Variants in ANKRD26 observed in about 807,000 individuals in gnomAD.
The protein encoded by ANKRD26 is ankyrin repeat domain-containing protein 26.
In ANKRD26, 141 loss-of-function variants were observed where a neutral mutation model predicts 208.7. The ratio of observed to expected loss-of-function variants is 0.68; its 90% CI spans 0.59 to 0.78. The LOEUF (loss-of-function observed/expected upper bound fraction) is 0.78, where lower values mean the gene tolerates loss of function less well. ANKRD26 is among the 30% of genes least tolerant of loss of function. The probability of loss-of-function intolerance (pLI) is 0.00; values close to 1 mark genes in which losing one functional copy is unlikely to be tolerated. For missense variants in ANKRD26, 1,889 were observed against 1,938.7 expected (o/e 0.97, Z 0.48); for synonymous variants, 636 against 660.4 (o/e 0.96, Z 0.57).
chr10:27,034,027 CAA>C (rs1475913293), intron 24 of ANKRD26, among the ~76,000 whole-genome samples: 1 of 152,114 alleles, frequency 6.6e-6, no homozygotes, highest in Non-Finnish European at 1.5e-5. Context: ...TTATACTGAA[CAA>C]AGTTATACCC....
chr10:27,049,066 A>G (rs2054559197), intron 16 of ANKRD26, 87 bp from the exon 17 acceptor site: 2 of 1,167,140 alleles, frequency 1.7e-6, no homozygotes, highest in Admixed American at 4.9e-5. Context: ...CATTTGACTC[A>G]GTTTAACTAT....
intron 6 of ANKRD26, among the ~76,000 whole-genome samples, chr10:27,081,185 C>G (rs2055893444): frequency 1.3e-5 from 2 of 152,190 alleles, no homozygotes; most frequent in African/African-American, 4.8e-5. Context: ...CAGGACTCCC[C>G]TGAACCCCCT....
chr10:27,001,363 C>G (rs1469403915), downstream of ANKRD26, among the ~76,000 whole-genome samples: 1 of 152,076 alleles, frequency 6.6e-6, no homozygotes, highest in Non-Finnish European at 1.5e-5. Context: ...TGCGGACACA[C>G]AAGGGGTGAG....
intron 9 of ANKRD26, among the ~76,000 whole-genome samples, chr10:27,071,757 T>C (rs1197587): frequency 0.99 from 150,670 of 152,278 alleles, 74,545 homozygotes; most frequent in Middle Eastern, 1. Flanking sequence ...ACGGGAGAGA[T>C]GGTCCCTGGA....
chr10:27,032,529 G>A (rs1445751504), intron 25 of ANKRD26, among the ~76,000 whole-genome samples: 5 of 151,924 alleles, frequency 3.3e-5, no homozygotes, highest in African/African-American at 4.8e-5. Flanking sequence ...CCAGCTACTC[G>A]GGAGGCTGAG....
chr10:27,100,288 C>G lies in ANKRD26; in HGVS notation c.39G>C (p.Leu13Phe). The G allele has an allele frequency of 1.9e-6, 3 of 1,610,230 alleles. No individual in the cohort carries two copies. The highest frequency in any genetic ancestry group is 2.5e-6 in the Non-Finnish European group (3 of 1,179,550). Residue 13 changes from leucine (L) to phenylalanine (F), a missense_variant, in exon 1 of 34, where the codon TTG becomes TTC. Coordinates refer to ENST00000376087, the MANE Select transcript of ANKRD26 (RefSeq NM_014915.3). ...TCCTCTGCCGCCGCGCGAAGGAGCC[C>G]AAGGGCGACTCGCCCTTCTTACTAA... ...KIFSKKGESP[L>F]GSFARRQRSS...
chr10:26,982,597 TA>T (rs892016577), intron 4 of ANKRD26, among the ~76,000 whole-genome samples: 125 of 140,466 alleles, frequency 8.9e-4, no homozygotes, highest in Middle Eastern at 3.6e-3. Context: ...CATGGAGATT[TA>T]AAAAAAAAAA....
At chr10:26,999,802 C>T (rs2052678984), downstream of ANKRD26, among the ~76,000 whole-genome samples, 1 of 110,814 alleles carries the variant, frequency 9.0e-6, no homozygotes, top group Admixed American at 9.3e-5. Context: ...GAGACCAAAA[C>T]CAACCAAAAA....
chr10:27,025,733 A>C (rs1274240439), intron 27 of ANKRD26, among the ~76,000 whole-genome samples: 1 of 151,750 alleles, frequency 6.6e-6, no homozygotes, highest in Non-Finnish European at 1.5e-5. Flanking sequence ...GTCCCCTTCC[A>C]TTCCTCTTTT....
chr10:27,070,347 C>G (rs2055436332), intron 9 of ANKRD26, among the ~76,000 whole-genome samples: 1 of 152,174 alleles, frequency 6.6e-6, no homozygotes, highest in South Asian at 2.1e-4. Context: ...TTGCAACAAG[C>G]TGAGATCCCG....
At chr10:27,024,713 T>A (rs2053603248) in intron 27 of ANKRD26, among the ~76,000 whole-genome samples, 154 bp from the exon 28 acceptor site, 1 of 152,152 alleles carries the variant, frequency 6.6e-6, no homozygotes, top group Admixed American at 6.5e-5. Context: ...TTTGAAAAAA[T>A]GACTTTTCTT....
At chr10:27,075,675 C>T (rs1430908611) in intron 9 of ANKRD26, among the ~76,000 whole-genome samples, 1 of 152,182 alleles carries the variant, frequency 6.6e-6, no homozygotes, top group Non-Finnish European at 1.5e-5. Context: ...ACTCCACTGA[C>T]AGCACTAGAC....
At chr10:27,029,458 C>A in intron 25 of ANKRD26, 102 bp from the exon 26 acceptor site, 2 of 1,046,432 alleles carry the variant, frequency 1.9e-6, no homozygotes, top group South Asian at 1.4e-5. Context: ...CAGTCATACC[C>A]CTTCAATATG....
chr10:27,022,579 C>G lies in ANKRD26; in HGVS notation c.4194G>C (p.Gln1398His). Reference protein sequence around the residue: ...LKTSQFEMDIQINKLKHKIDD... With the variant: ...LKTSQFEMDIHINKLKHKIDD... ...TTACCTTATGTTTTAGCTTATTAATCTGAATATCCATTTCAAATTGACTAG... is the reference window on the plus strand; with the variant it reads ...TTACCTTATGTTTTAGCTTATTAATGTGAATATCCATTTCAAATTGACTAG... The change falls in exon 29 of 34, where the codon CAG becomes CAC. Residue 1398 changes from glutamine to histidine, a missense_variant. By Grantham distance (24) the Gln-to-His change is conservative. Around this residue, in one of 3 missense-constraint regions of ANKRD26, gnomAD observed 613 missense variants for 648.2 expected, o/e 0.95. Coordinates refer to ENST00000376087, the MANE Select transcript of ANKRD26 (RefSeq NM_014915.3). 1 of 1,535,336 alleles carries G rather than the reference C, an allele frequency of 6.5e-7. No homozygotes were observed. The highest frequency in any genetic ancestry group is 9.0e-7 in the Non-Finnish European group (1 of 1,115,992).
chr10:27,053,690 C>G (rs1465523109), intron 15 of ANKRD26, among the ~76,000 whole-genome samples: 1 of 152,128 alleles, frequency 6.6e-6, no homozygotes, highest in African/African-American at 2.4e-5. Flanking sequence ...AAAACTTCAA[C>G]AAACCACTTG....
intron 16 of ANKRD26, among the ~76,000 whole-genome samples, 181 bp from the exon 17 acceptor site, chr10:27,049,160 AT>A (rs1234158841): frequency 6.6e-6 from 1 of 152,170 alleles, no homozygotes; most frequent in Non-Finnish European, 1.5e-5. Flanking sequence ...ATCAGCTATT[AT>A]TATAATTTTA....
intron 9 of ANKRD26, among the ~76,000 whole-genome samples, chr10:27,074,314 T>G (rs767890114): frequency 2.0e-5 from 3 of 152,142 alleles, no homozygotes; most frequent in Non-Finnish European, 4.4e-5. Context: ...AAAAATTTTC[T>G]AAAGAGAAAG....
intron 3 of ANKRD26, among the ~76,000 whole-genome samples, chr10:26,983,078 C>T (rs760370992): frequency 1.6e-4 from 24 of 152,186 alleles, no homozygotes; most frequent in East Asian, 3.8e-4. Flanking sequence ...GCATATCTAA[C>T]GCCATACAAT....
rs753468333 is a variant in ANKRD26, at chr10:27,048,802, T to G, written c.1813A>C (p.Ser605Arg). Reference sequence around the variant, plus strand: ...CTGTTAAATATGCTATCAGCTTACCTAGCATACTCTTTATTTTCCTTCCTG... The same window carrying G: ...CTGTTAAATATGCTATCAGCTTACCGAGCATACTCTTTATTTTCCTTCCTG... ...FPRKENKEYASSGPALQMKEV... is the reference protein window; with the variant it reads ...FPRKENKEYARSGPALQMKEV... Residue 605 changes from serine (S) to arginine (R), a missense_variant and splice_region_variant, in exon 17 of 34, where the codon AGT becomes CGT. Transcript: ENST00000376087. 6.2e-7 allele frequency: 1 copy of G among 1,612,688 alleles called. No homozygotes were observed. The highest frequency in any genetic ancestry group is 1.1e-5 in the South Asian group (1 of 91,002).
Sources: gnomAD v4.1 joint callset for allele counts (sites outside exome capture counted in the v4.1 genomes callset) on GRCh38, gnomAD v4.1.1 for gene constraint, gnomAD v4.1.1 regional missense constraint, MANE v1.5 for transcripts, NCBI Gene and HGNC (gene_info 2026-07-23, HGNC 2026-07-21) for gene names.